Variants in ITGB4 observed in about 807,000 individuals in gnomAD.
The protein encoded by ITGB4 is integrin subunit beta 4.
A neutral mutation model predicts 207.6 loss-of-function variants in ITGB4; 159 were observed. The ratio of observed to expected loss-of-function variants is 0.77; its 90% CI spans 0.67 to 0.87. ITGB4 has a LOEUF of 0.87. ITGB4 is among the 40% of genes least tolerant of loss of function. The pLI, the probability that ITGB4 is intolerant of heterozygous loss-of-function variation, is 0.00. For missense variants in ITGB4, 2,278 were observed against 2,546.8 expected (o/e 0.89, Z 2.27); for synonymous variants, 1,020 against 1,062.7 (o/e 0.96, Z 0.78).
At chr17:75,745,833 C>T (rs2061221300) in intron 26 of ITGB4, among the ~76,000 whole-genome samples, 1 of 151,982 alleles carries the variant, frequency 6.6e-6, no homozygotes, top group African/African-American at 2.4e-5. Context: ...GAACCGAGAT[C>T]ATGCCACTGC....
chr17:75,750,871 G>A lies in ITGB4; in HGVS notation c.3655+11G>A, dbSNP rs534431472. 1.1e-5 allele frequency: 17 copies of A among 1,613,420 alleles called. No individual in the cohort carries two copies. The highest frequency in any genetic ancestry group is 1.7e-5 in the Admixed American group (1 of 60,024). On this transcript the variant is annotated intron_variant, in intron 29 of 39. Transcript: ENST00000200181. This position sits in a 1 kb window ranked among gnomAD's most constrained non-coding sequence, Gnocchi z 5.5. ...GCACCCACCAGGAAGGTGAGGCCTC[G>A]CCATGTCTGTCCATTTGTCCCCTGG... is the stretch of plus-strand genomic sequence containing the variant.
In ITGB4 at chr17:75,748,861, T is replaced by G; in HGVS notation, c.3132T>G (p.Gly1044=). The change falls in exon 27 of 40, where the codon GGT becomes GGG. Residue 1044 remains glycine, a synonymous_variant. Transcript: ENST00000200181. ...CCCAGGACTACATCCCCGTGGAGGG[T>G]GAGCTGCTGTTCCAGCCTGGGGAGG... The part of the protein sequence containing the change: ...QGNRDYIPVE[G]ELLFQPGEAW... 6.2e-7 allele frequency: 1 copy of G among 1,611,200 alleles called. No homozygotes were observed. The highest frequency in any genetic ancestry group is 8.5e-7 in the Non-Finnish European group (1 of 1,179,294).
intron 31 of ITGB4, 30 bp downstream of exon 31, chr17:75,752,386 G>T: frequency 1.2e-6 from 2 of 1,612,666 alleles, no homozygotes; most frequent in South Asian, 2.2e-5. Context: ...GTGAGGGGCA[G>T]ACCGGGCAGG....
In ITGB4 at chr17:75,757,708, G is replaced by C. The variant is rs569697353; in HGVS notation, c.*153G>C. 1.8e-5 allele frequency: 19 copies of C among 1,079,224 alleles called. No homozygotes were observed. In the East Asian group the frequency reaches 4.3e-4, roughly 24 times the overall value. 66.9% of individuals were successfully genotyped at this position (1,079,224 alleles called of 1,614,324 possible). On this transcript the variant is annotated 3_prime_UTR_variant, in exon 40 of 40. Coordinates refer to ENST00000200181, the MANE Select transcript of ITGB4 (RefSeq NM_000213.5). ...TAGGTGTCTCCTGGGAGGCATGAAG[G>C]GGGCAAGGTCCGTCCTCTGTGGGCC...
In ITGB4 at chr17:75,731,843, A is replaced by C. The variant is rs1196730933; in HGVS notation, c.1247A>C (p.Glu416Ala). The part of the protein sequence containing the change: ...GIYQVQLRAL[E>A]HVDGTHVCQL... ...TACCAGGTGCAGCTGCGGGCCCTTG[A>C]GCACGTGGATGGGACGCACGTGTGC... is the stretch of plus-strand genomic sequence containing the variant. The change falls in exon 11 of 40, where the codon GAG becomes GCG. Residue 416 changes from glutamate (E) to alanine (A), a missense_variant. Transcript: ENST00000200181. The surrounding 1 kb of genome is among the most constrained non-coding windows in gnomAD (Gnocchi z 6.8). 6.8e-6 allele frequency: 11 copies of C among 1,610,760 alleles called. No individual in the cohort carries two copies. The highest frequency in any genetic ancestry group is 9.3e-6 in the Non-Finnish European group (11 of 1,178,656).
Position 75,756,616 on chromosome 17 carries a change from A to G in ITGB4, c.4896A>G (p.Pro1632=). 1 of 1,612,794 alleles carries G rather than the reference A, an allele frequency of 6.2e-7. No individual in the cohort carries two copies. The highest frequency in any genetic ancestry group is 1.1e-5 in the South Asian group (1 of 91,086). ...VHPQSPLCPL[P]GSAFTLSTPS... is the part of the protein sequence containing the mutation. ...CGCAGAGCCCACTGTGTCCCCTGCC[A>G]GGTGAGTTGCCTCCCCCAGCCCCAG... Residue 1632 remains proline (P), a splice_region_variant and synonymous_variant, in exon 36 of 40, where the codon CCA becomes CCG. Transcript: ENST00000200181.
chr17:75,743,570 T>C, intron 25 of ITGB4, 143 bp from the exon 26 acceptor site: 1 of 1,115,294 alleles, frequency 9.0e-7, no homozygotes, highest in Non-Finnish European at 1.4e-6. Context: ...GTTTCGCTCC[T>C]GTGCCCTTCC....
rs779171105 is a variant in ITGB4, at chr17:75,749,051, C to T, written c.3316+6C>T. On this transcript the variant is annotated splice_donor_region_variant and intron_variant, in intron 27 of 39. Transcript: ENST00000200181. ...CATCATCATCAGGGACCCAGGTAGG[C>T]AGAGCCTGGGGGTCGGCTTAAGCAG... The T allele has an allele frequency of 3.1e-6, 5 of 1,607,426 alleles. No homozygotes were observed. In the African/African-American group the frequency reaches 4.0e-5, roughly 13 times the overall value.
At chr17:75,744,427 GCT>G (rs1599280476) in intron 26 of ITGB4, among the ~76,000 whole-genome samples, 1 of 151,472 alleles carries the variant, frequency 6.6e-6, no homozygotes. Context: ...GCCCAAGAGG[GCT>G]CTTTCTTCCT....
Position 75,742,384 on chromosome 17 carries a change from T to A in ITGB4, c.2677T>A (p.Ser893Thr). 2 of 1,613,352 alleles carry A rather than the reference T, an allele frequency of 1.2e-6. No individual in the cohort carries two copies. Among genetic ancestry groups the A allele is most frequent in the South Asian group, 2.2e-5 (2 of 91,078 alleles). Reference sequence around the variant, plus strand: ...GGACACAGTGCTGATGGCGCCCCGCTCGGCCAAGCCGGCCCTGCTGAAGCT... The same window carrying A: ...GGACACAGTGCTGATGGCGCCCCGCACGGCCAAGCCGGCCCTGCTGAAGCT... ...IVDTVLMAPR[S>T]AKPALLKLTE... Residue 893 changes from serine (S) to threonine (T), a missense_variant, in exon 24 of 40, where the codon TCG (serine) becomes ACG (threonine). Coordinates refer to ENST00000200181, the MANE Select transcript of ITGB4 (RefSeq NM_000213.5). The surrounding 1 kb of genome is among the most constrained non-coding windows in gnomAD (Gnocchi z 5.9).
At position 75,750,655 on chromosome 17, in the gene ITGB4, C is replaced by G; in HGVS notation, c.3475-25C>G. Reference sequence around the variant, plus strand: ...TTGGGTGCCTGCTGCTCCCTGCTGACCAGGACCCCTGTCCCTGGGGGTAGG... The same window carrying G: ...TTGGGTGCCTGCTGCTCCCTGCTGAGCAGGACCCCTGTCCCTGGGGGTAGG... On this transcript the variant is annotated intron_variant, in intron 28 of 39. Transcript: ENST00000200181. This position sits in a 1 kb window ranked among gnomAD's most constrained non-coding sequence, Gnocchi z 5.5. 1 of 1,611,066 alleles carries G rather than the reference C, an allele frequency of 6.2e-7. No individual in the cohort carries two copies. Among genetic ancestry groups the G allele is most frequent in the Non-Finnish European group, 8.5e-7 (1 of 1,178,760 alleles).
intron 2 of ITGB4, among the ~76,000 whole-genome samples, chr17:75,726,491 G>A (rs1386684117): frequency 6.6e-6 from 1 of 152,204 alleles, no homozygotes; most frequent in African/African-American, 2.4e-5. Flanking sequence ...CAGCACTTTG[G>A]GAGGCTGAGG....
rs1469921230 is a variant in ITGB4, at chr17:75,757,773, G to A, written c.*218G>A. Reference sequence around the variant, plus strand: ...ACCAAAGAGCTGGGAGCAGCACAAGGACCCAGCCTTTGTTCTGCACTTAAT... The same window carrying A: ...ACCAAAGAGCTGGGAGCAGCACAAGAACCCAGCCTTTGTTCTGCACTTAAT... On this transcript the variant is annotated 3_prime_UTR_variant, in exon 40 of 40. Coordinates refer to ENST00000200181, the MANE Select transcript of ITGB4 (RefSeq NM_000213.5). 2 of 696,260 alleles carry A rather than the reference G, an allele frequency of 2.9e-6. No individual in the cohort carries two copies. Among genetic ancestry groups the A allele is most frequent in the African/African-American group, 3.5e-5 (2 of 56,404 alleles). 43.1% of individuals were successfully genotyped at this position (696,260 alleles called of 1,614,324 possible).
chr17:75,740,023 C>G lies in ITGB4; in HGVS notation c.2398C>G (p.Arg800Gly). ...VRWKVTNNMQ[R>G]PGFATHAASI... Reference sequence around the variant, plus strand: ...CTGGAAGGTCACCAACAACATGCAGCGGCCTGGCTTTGCCACTCATGCCGC... The same window carrying G: ...CTGGAAGGTCACCAACAACATGCAGGGGCCTGGCTTTGCCACTCATGCCGC... The change falls in exon 20 of 40, where the codon CGG (arginine) becomes GGG (glycine). Residue 800 changes from arginine to glycine, a missense_variant. By Grantham distance (125) the Arg-to-Gly change is moderately radical. Coordinates refer to ENST00000200181, the MANE Select transcript of ITGB4 (RefSeq NM_000213.5). The surrounding 1 kb of genome is among the most constrained non-coding windows in gnomAD (Gnocchi z 5.9). The G allele has an allele frequency of 6.2e-7, 1 of 1,613,040 alleles. No individual in the cohort carries two copies. Among genetic ancestry groups the G allele is most frequent in the Non-Finnish European group, 8.5e-7 (1 of 1,179,958 alleles).
rs758239961 is a variant in ITGB4 at position 75,742,849 on chromosome 17, C to T, written c.2962+88C>T. On this transcript the variant is annotated intron_variant, in intron 25 of 39. Transcript: ENST00000200181. The surrounding 1 kb of genome is among the most constrained non-coding windows in gnomAD (Gnocchi z 5.9). ...CTTAAGTGGAATTGCGACCTGGCCACGTGGCCTGGGCTAGTCACTTAACCT... is the reference window on the plus strand; with the variant it reads ...CTTAAGTGGAATTGCGACCTGGCCATGTGGCCTGGGCTAGTCACTTAACCT... 66 of 1,284,924 alleles carry T rather than the reference C, an allele frequency of 5.1e-5. No individual in the cohort carries two copies. The highest frequency in any genetic ancestry group is 4.5e-4 in the East Asian group (18 of 40,164). The allele number at this position is 1,284,924 out of a possible 1,614,324, so 79.6% of individuals were successfully genotyped here.
At position 75,750,214 on chromosome 17, in the gene ITGB4, C is replaced by T. The variant is rs766651129; in HGVS notation, c.3420C>T (p.Ser1140=). The T allele has an allele frequency of 6.2e-7, 1 of 1,613,696 alleles. No homozygotes were observed. ...PQNPNAKAAG[S]RKIHFNWLPP... ...ACCCCAATGCTAAGGCCGCTGGGTC[C>T]AGGAAGATCCATTTCAACTGGCTGC... The change falls in exon 28 of 40, where the codon TCC becomes TCT. Residue 1140 remains serine (S), a synonymous_variant. Transcript: ENST00000200181. This position sits in a 1 kb window ranked among gnomAD's most constrained non-coding sequence, Gnocchi z 5.5.
chr17:75,749,973 G>C, intron 27 of ITGB4, 138 bp from the exon 28 acceptor site: 1 of 1,079,812 alleles, frequency 9.3e-7, no homozygotes, highest in Non-Finnish European at 1.4e-6. Flanking sequence ...GGCACCACCA[G>C]GTCTCCAGAG....
At position 75,754,565 on chromosome 17, in the gene ITGB4, T is replaced by C. The variant is rs770324436; in HGVS notation, c.4319-11T>C. The stretch of plus-strand genomic sequence containing the variant: ...CAGGCCTGACCAAGGGACCCTGCTC[T>C]CCCCCTGCAGAGCACCTGGTGAATG... On this transcript the variant is annotated splice_polypyrimidine_tract_variant and intron_variant, in intron 33 of 39. Coordinates refer to ENST00000200181, the MANE Select transcript of ITGB4 (RefSeq NM_000213.5). 16 of 1,613,176 alleles carry C rather than the reference T, an allele frequency of 9.9e-6. No individual in the cohort carries two copies. Among genetic ancestry groups the C allele is most frequent in the Non-Finnish European group, 1.4e-5 (16 of 1,179,932 alleles).
chr17:75,754,954 GTGCACACGCA>G (rs2061457035), intron 34 of ITGB4, 139 bp downstream of exon 34: 2 of 1,260,860 alleles, frequency 1.6e-6, no homozygotes, highest in Non-Finnish European at 2.2e-6. Context: ...ACGCACACAC[GTGCACACGCA>G]TGCACACATG....
Sources: gnomAD v4.1 joint callset for allele counts (sites outside exome capture counted in the v4.1 genomes callset) on GRCh38, gnomAD v4.1.1 for gene constraint, Gnocchi (gnomAD v3.1) non-coding constraint, MANE v1.5 for transcripts, NCBI Gene and HGNC (gene_info 2026-07-23, HGNC 2026-07-21) for gene names.